Variants in KIF13B observed in about 807,000 individuals in gnomAD.
The protein encoded by KIF13B is kinesin-like protein KIF13B.
KIF13B carries 127 observed loss-of-function variants against 222.0 expected under a neutral mutation model. The observed-to-expected ratio is 0.57, with a 90% CI of 0.50 to 0.66. The LOEUF is 0.66. Ranked by LOEUF, KIF13B falls within the 30% of genes least tolerant of loss-of-function variation. KIF13B has a pLI of 0.00. For missense variants in KIF13B, 2,173 were observed against 2,379.0 expected (o/e 0.91, Z 1.80); for synonymous variants, 976 against 919.0 (o/e 1.06, Z -1.12).
intron 16 of KIF13B, 64 bp downstream of exon 16, chr8:29,148,510 AGCG>A (rs1811159616): frequency 8.1e-7 from 1 of 1,229,756 alleles, no homozygotes; most frequent in East Asian, 2.7e-5. Context: ...CCTGGGCTCA[AGCG>A]ATCTCCCCAC....
In KIF13B at chr8:29,070,436, A is replaced by AGG; in HGVS notation, c.*66_*67dup. 1 of 1,565,832 alleles carries AGG rather than the reference A, an allele frequency of 6.4e-7. No individual in the cohort carries two copies. Among genetic ancestry groups the AGG allele is most frequent in the Non-Finnish European group, 8.7e-7 (1 of 1,152,482 alleles). ...GGGGCCACCGGGCTCCTGGCTCCTC[A>AGG]GGGCTGTCACTGGCAGGGCTCAAAA... On this transcript the variant is annotated 3_prime_UTR_variant, in exon 40 of 40. Transcript: ENST00000524189. This position sits in a 1 kb window ranked among gnomAD's most constrained non-coding sequence, Gnocchi z 4.1.
At chr8:29,243,021 C>T (rs1031544671) in intron 2 of KIF13B, among the ~76,000 whole-genome samples, 8 of 152,134 alleles carry the variant, frequency 5.3e-5, no homozygotes, top group Non-Finnish European at 8.8e-5. Flanking sequence ...CATCTATACT[C>T]AAGCATTGAA....
chr8:29,177,416 T>C (rs1269944799), intron 9 of KIF13B, 50 bp downstream of exon 9: 3 of 1,180,784 alleles, frequency 2.5e-6, no homozygotes, highest in African/African-American at 3.0e-5. Context: ...TGTTCCCCTA[T>C]TGGCTATTAA....
At chr8:29,117,300 T>C (rs1323591076) in intron 30 of KIF13B, among the ~76,000 whole-genome samples, 1 of 152,194 alleles carries the variant, frequency 6.6e-6, no homozygotes, top group East Asian at 1.9e-4. Context: ...TTGTACCCCT[T>C]TCATCCCGAC....
intron 2 of KIF13B, among the ~76,000 whole-genome samples, chr8:29,243,057 T>C (rs181504492): frequency 8.5e-5 from 13 of 152,284 alleles, no homozygotes; most frequent in African/African-American, 3.1e-4. Flanking sequence ...CTTAAAAATG[T>C]AGTAACCGGT....
At chr8:29,197,503 CCCTTT>C (rs1229686925) in intron 2 of KIF13B, among the ~76,000 whole-genome samples, 4 of 152,112 alleles carry the variant, frequency 2.6e-5, no homozygotes, top group Non-Finnish European at 5.9e-5. Context: ...CCTTCTCCTT[CCCTTT>C]CCCCCAAGGA....
chr8:29,078,127 C>CA (rs10530503), intron 37 of KIF13B, among the ~76,000 whole-genome samples: 58 of 74,280 alleles, frequency 7.8e-4, no homozygotes, highest in East Asian at 7.1e-3. Flanking sequence ...TACTAAAATC[C>CA]AAAAAAAAAA....
intron 35 of KIF13B, among the ~76,000 whole-genome samples, chr8:29,107,562 CTTTT>C (rs35539806): frequency 7.4e-5 from 10 of 134,802 alleles, no homozygotes; most frequent in South Asian, 2.4e-4. Flanking sequence ...TTTGAAGTTT[CTTTT>C]TTTTTTTTTT....
intron 8 of KIF13B, among the ~76,000 whole-genome samples, chr8:29,178,914 A>C (rs956584557): frequency 1.3e-5 from 2 of 152,178 alleles, no homozygotes; most frequent in African/African-American, 4.8e-5. Context: ...GGAAAACGCA[A>C]ATATACTAGG....
At chr8:29,136,111 T>C (rs1346318789) in intron 21 of KIF13B, among the ~76,000 whole-genome samples, 3 of 152,198 alleles carry the variant, frequency 2.0e-5, no homozygotes, top group Non-Finnish European at 4.4e-5. Context: ...GGCTGACATA[T>C]TTTATTCCTC....
At chr8:29,194,975 C>T (rs1210692835) in intron 3 of KIF13B, among the ~76,000 whole-genome samples, 1 of 152,124 alleles carries the variant, frequency 6.6e-6, no homozygotes, top group Non-Finnish European at 1.5e-5. Flanking sequence ...AAGCTGGGCA[C>T]GGTCGCTCAC....
chr8:29,196,055 T>C (rs1049741427), intron 3 of KIF13B, 132 bp downstream of exon 3: 3 of 798,150 alleles, frequency 3.8e-6, no homozygotes, highest in East Asian at 2.8e-5. Context: ...GATTTGTGAG[T>C]AGGCTGACAG....
chr8:29,075,260 C>T, intron 38 of KIF13B, 21 bp downstream of exon 38: 2 of 1,551,640 alleles, frequency 1.3e-6, no homozygotes, highest in South Asian at 1.2e-5. Flanking sequence ...GGGGTGGCCA[C>T]CCGTGACCCA....
intron 2 of KIF13B, among the ~76,000 whole-genome samples, chr8:29,213,720 G>A (rs185023040): frequency 3.2e-4 from 48 of 152,134 alleles, no homozygotes; most frequent in African/African-American, 1.0e-3. Context: ...AGGCTGAGGC[G>A]GGTGGATCAC....
At chr8:29,233,794 T>C (rs1185690991) in intron 2 of KIF13B, among the ~76,000 whole-genome samples, 2 of 152,204 alleles carry the variant, frequency 1.3e-5, no homozygotes, top group Non-Finnish European at 2.9e-5. Flanking sequence ...TTCAAGACTA[T>C]AATGAGCTAT....
Position 29,073,066 on chromosome 8 carries a change from G to GACGAGGAGGGGT in KIF13B, c.4522-762_4522-751dup, listed in dbSNP as rs1488170844. ...GGCATCCCGAGCAAGGCAGCAGGGG[G>GACGAGGAGGGGT]ACGAGGAGGGGTACGAGGAGGGGTA... On this transcript the variant is annotated intron_variant, in intron 38 of 39. Transcript: ENST00000524189. Among the ~76,000 whole-genome samples, 4 of 145,784 alleles carry GACGAGGAGGGGT rather than the reference G, an allele frequency of 2.7e-5. No individual in the cohort carries two copies. In the East Asian group the frequency reaches 6.4e-4, roughly 23 times the overall value.
intron 10 of KIF13B, among the ~76,000 whole-genome samples, chr8:29,170,198 A>G (rs953079675): frequency 2.6e-5 from 4 of 152,262 alleles, no homozygotes; most frequent in African/African-American, 9.6e-5. Flanking sequence ...AGGTGGCAAC[A>G]GCAAATTAAA....
rs766406923 is a variant in KIF13B at position 29,123,418 on chromosome 8, C to T, written c.3427G>A (p.Ala1143Thr). 6.2e-6 allele frequency: 10 copies of T among 1,613,930 alleles called. No homozygotes were observed. The highest frequency in any genetic ancestry group is 1.3e-5 in the African/African-American group (1 of 74,950). ...CTGCCAGCAGAGGGGACCATCACCGCGTTCCTCTCCTCAGTTAGGGTCAAC... is the reference window on the plus strand; with the variant it reads ...CTGCCAGCAGAGGGGACCATCACCGTGTTCCTCTCCTCAGTTAGGGTCAAC... ...MRLTLTEERNAVMVPSAGSGI... is the reference protein window; with the variant it reads ...MRLTLTEERNTVMVPSAGSGI... The change falls in exon 28 of 40, where the codon GCG becomes ACG. Residue 1143 changes from alanine to threonine, a missense_variant. Physicochemically the swap from Ala to Thr is moderately conservative, Grantham distance 58. Transcript: ENST00000524189.
At chr8:29,109,062 C>G (rs1161652495) in intron 34 of KIF13B, among the ~76,000 whole-genome samples, 1 of 152,172 alleles carries the variant, frequency 6.6e-6, no homozygotes, top group Non-Finnish European at 1.5e-5. Flanking sequence ...GTTTGTGAAC[C>G]TGGTCCAGAC....
Sources: gnomAD v4.1 joint callset for allele counts (sites outside exome capture counted in the v4.1 genomes callset) on GRCh38, gnomAD v4.1.1 for gene constraint, Gnocchi (gnomAD v3.1) non-coding constraint, MANE v1.5 for transcripts, NCBI Gene and HGNC (gene_info 2026-07-23, HGNC 2026-07-21) for gene names.